MAD1L1: variants seen among roughly 807,000 people sequenced by gnomAD.
The protein encoded by MAD1L1 is mitotic spindle assembly checkpoint protein MAD1.
Under a neutral mutation model 96.9 loss-of-function variants are expected in MAD1L1, and 95 were observed. That is an observed-to-expected ratio of 0.98 (90% CI 0.83 to 1.16). MAD1L1 has a LOEUF of 1.16. Among genes scored for constraint, MAD1L1 ranks in the 50% most tolerant of loss-of-function variants. The pLI, the probability that MAD1L1 is intolerant of heterozygous loss-of-function variation, is 0.00. For synonymous variants in MAD1L1, 473 were observed against 396.6 expected, an observed-to-expected ratio of 1.19 and a Z score of -2.29; for missense variants, 1,007 against 954.4, an observed-to-expected ratio of 1.06 and a Z score of -0.73.
chr7:2,168,041 T>C (rs1790522605), intron 10 of MAD1L1, among the ~76,000 whole-genome samples: 1 of 152,132 alleles, frequency 6.6e-6, no homozygotes, highest in Non-Finnish European at 1.5e-5. Flanking sequence ...TCCCAGCACT[T>C]TGGGAGGCCG....
chr7:1,952,673 C>T lies in MAD1L1; in HGVS notation c.1596+4956G>A, dbSNP rs1779553672. 2.0e-5 allele frequency among the ~76,000 whole-genome samples: 3 copies of T among 152,184 alleles called. No homozygotes were observed. The South Asian group carries it at 6.2e-4, about 32-fold the overall frequency. On this transcript the variant is annotated intron_variant, in intron 16 of 18. Coordinates refer to ENST00000265854, the MANE Select transcript of MAD1L1 (RefSeq NM_001013836.2). ...CCTGCAGAGCTGCCCTCCCGTGATC[C>T]TGCCTCCCAGGAAAAGTCCAACCCC...
At chr7:2,092,211 T>C (rs889085168) in intron 11 of MAD1L1, among the ~76,000 whole-genome samples, 5 of 152,228 alleles carry the variant, frequency 3.3e-5, no homozygotes, top group Admixed American at 3.3e-4. Flanking sequence ...GTCTCATGGT[T>C]GTACTAATTT....
intron 17 of MAD1L1, among the ~76,000 whole-genome samples, chr7:1,913,164 G>A (rs1254240226): frequency 2.6e-5 from 4 of 152,148 alleles, no homozygotes; most frequent in South Asian, 2.1e-4. Flanking sequence ...TGTAGGCAGC[G>A]AGGCCTCGGA....
At chr7:2,201,474 A>T (rs1042008914) in intron 10 of MAD1L1, among the ~76,000 whole-genome samples, 55 of 152,174 alleles carry the variant, frequency 3.6e-4, no homozygotes, top group Non-Finnish European at 5.3e-4. Flanking sequence ...CCCATGAGTA[A>T]AAACCAGCCC....
chr7:2,082,253 C>T (rs1170893805), intron 11 of MAD1L1, among the ~76,000 whole-genome samples: 1 of 151,790 alleles, frequency 6.6e-6, no homozygotes, highest in Admixed American at 6.6e-5. Flanking sequence ...CACGGGAAAC[C>T]AGAAAAGCCA....
At chr7:1,823,339 G>A (rs1782225929) in intron 18 of MAD1L1, among the ~76,000 whole-genome samples, 1 of 152,172 alleles carries the variant, frequency 6.6e-6, no homozygotes, top group African/African-American at 2.4e-5. Flanking sequence ...GGATGAGGCA[G>A]AGCTCTGACA....
intron 16 of MAD1L1, among the ~76,000 whole-genome samples, chr7:1,950,001 C>G (rs1472891307): frequency 6.6e-6 from 1 of 152,236 alleles, no homozygotes; most frequent in Non-Finnish European, 1.5e-5. Flanking sequence ...GCAGCAGGGA[C>G]AGGCTGGGGG....
At chr7:2,194,543 T>A (rs992087248) in intron 10 of MAD1L1, among the ~76,000 whole-genome samples, 1 of 152,196 alleles carries the variant, frequency 6.6e-6, no homozygotes, top group African/African-American at 2.4e-5. Context: ...TGAGGGCTAA[T>A]CACCCTATTC....
chr7:2,175,403 T>C (rs560380807), intron 10 of MAD1L1: 1 of 146,368 alleles, frequency 6.8e-6, no homozygotes, highest in South Asian at 2.1e-4. Context: ...TCAAGTCAGC[T>C]AAGTCCATCA....
chr7:2,111,403 G>T (rs1445797586), intron 11 of MAD1L1, among the ~76,000 whole-genome samples: 2 of 152,232 alleles, frequency 1.3e-5, no homozygotes, highest in Non-Finnish European at 2.9e-5. Context: ...CTCTGCTCTA[G>T]TCAAGGAGCG....
At chr7:1,900,223 G>C (rs1026398516) in intron 17 of MAD1L1, among the ~76,000 whole-genome samples, 7 of 152,238 alleles carry the variant, frequency 4.6e-5, no homozygotes, top group Non-Finnish European at 1.0e-4. Context: ...ACAGAGACTC[G>C]CTGCTTAGCT....
chr7:2,149,356 G>T, intron 10 of MAD1L1, 118 bp from the exon 11 acceptor site: 1 of 808,834 alleles, frequency 1.2e-6, no homozygotes, highest in Non-Finnish European at 2.1e-6. Context: ...GACCCAGGAT[G>T]TGTGAACTCT....
chr7:2,013,429 AG>A (rs1164141703), intron 13 of MAD1L1, among the ~76,000 whole-genome samples: 1 of 152,274 alleles, frequency 6.6e-6, no homozygotes, highest in African/African-American at 2.4e-5. Flanking sequence ...CCACAGGCCC[AG>A]GCCCTCTGAG....
chr7:2,024,359 T>G (rs926721404), intron 12 of MAD1L1, among the ~76,000 whole-genome samples: 3 of 152,216 alleles, frequency 2.0e-5, no homozygotes, highest in African/African-American at 7.2e-5. Context: ...CCCAGCTCCC[T>G]TTCTCTTTCC....
At chr7:2,191,910 A>C (rs1237107870) in intron 10 of MAD1L1, among the ~76,000 whole-genome samples, 4 of 151,878 alleles carry the variant, frequency 2.6e-5, no homozygotes, top group African/African-American at 9.7e-5. Context: ...AGGCACCTGT[A>C]ATCTCAGCTA....
chr7:2,127,880 T>C (rs933947283), intron 11 of MAD1L1, among the ~76,000 whole-genome samples: 13 of 152,106 alleles, frequency 8.5e-5, no homozygotes, highest in African/African-American at 3.1e-4. Flanking sequence ...CAGCTGGCAA[T>C]GGCCCCAGAG....
chr7:1,919,018 C>T (rs1473104678), intron 17 of MAD1L1, among the ~76,000 whole-genome samples: 1 of 152,268 alleles, frequency 6.6e-6, no homozygotes, highest in Non-Finnish European at 1.5e-5. Flanking sequence ...AGGGCAGTTC[C>T]CTCCGGCCCA....
intron 11 of MAD1L1, among the ~76,000 whole-genome samples, chr7:2,072,838 C>G (rs1397300166): frequency 6.6e-6 from 1 of 152,232 alleles, no homozygotes; most frequent in African/African-American, 2.4e-5. Flanking sequence ...GGGGGCCCAG[C>G]AAACCCACAC....
intron 11 of MAD1L1, among the ~76,000 whole-genome samples, chr7:2,073,222 C>T (rs369128416): frequency 6.6e-6 from 1 of 152,180 alleles, no homozygotes; most frequent in African/African-American, 2.4e-5. Flanking sequence ...TCTTTACCTA[C>T]TCCTAGCTTT....
Sources: allele counts gnomAD v4.1 joint callset (sites outside exome capture counted in the v4.1 genomes callset), GRCh38; gene constraint gnomAD v4.1.1; transcripts MANE v1.5; gene names NCBI Gene and HGNC (gene_info 2026-07-23, HGNC 2026-07-21).